AKR1B10: variants seen among roughly 807,000 people sequenced by gnomAD.
AKR1B10 encodes aldo-keto reductase family 1 member B10.
AKR1B10 carries 39 observed loss-of-function variants against 38.9 expected under a neutral mutation model. The ratio of observed to expected loss-of-function variants is 1.00; its 90% CI spans 0.78 to 1.31. The LOEUF is 1.31. Ranked by LOEUF, AKR1B10 falls within the 50% of genes most tolerant of loss-of-function variation. The pLI is 0.00. For missense variants in AKR1B10, 361 were observed against 382.6 expected, an observed-to-expected ratio of 0.94 and a Z score of 0.47; for synonymous variants, 148 against 141.2, an observed-to-expected ratio of 1.05 and a Z score of -0.34.
At position 134,535,572 on chromosome 7, in the gene AKR1B10, C is replaced by A. The variant is rs73724972; in HGVS notation, c.430-1078C>A. ...CCTGTGTCATATGCTCATGTTTTTT[C>A]CCTCTTTTCTGTCTTTTTTTTTTTT... On this transcript the variant is annotated intron_variant, in intron 4 of 9. Coordinates refer to ENST00000359579, the MANE Select transcript of AKR1B10 (RefSeq NM_020299.5). 6.1e-3 allele frequency: 5,945 copies of A among 969,954 alleles called. 265 individuals are homozygous for A. In the African/African-American group the frequency reaches 0.097, roughly 16 times the overall value. The allele number at this position is 969,954 out of a possible 1,614,324, so 60.1% of individuals were successfully genotyped here.
In AKR1B10 at chr7:134,541,284, G is replaced by C; in HGVS notation, c.*195G>C. The C allele has an allele frequency of 1.9e-6, 1 of 520,946 alleles. No individual in the cohort carries two copies. Among genetic ancestry groups the C allele is most frequent in the Non-Finnish European group, 3.3e-6 (1 of 298,620 alleles). 32.3% of individuals were successfully genotyped at this position (520,946 alleles called of 1,614,324 possible). On this transcript the variant is annotated 3_prime_UTR_variant, in exon 10 of 10. Transcript: ENST00000359579. ...ACTAGGATCAGAATATCACAGAAAA[G>C]CATGGCTTGAATAAGGAAATGACAA...
Position 134,530,806 on chromosome 7 carries a change from G to C in AKR1B10, c.230G>C (p.Ser77Thr). 8.7e-6 allele frequency: 14 copies of C among 1,610,890 alleles called. No homozygotes were observed. The highest frequency in any genetic ancestry group is 1.2e-5 in the Non-Finnish European group (14 of 1,178,384). ...AAGCGGGAGGACCTGTTCATCGTCA[G>C]CAAGGTGCAATGGTGCATTTGGTGG... ...AVKREDLFIV[S>T]KLWPTFFERP... is the part of the protein sequence containing the mutation. Residue 77 changes from serine (S) to threonine (T), a missense_variant, in exon 2 of 10, where the codon AGC becomes ACC. Around this residue, in one of 3 missense-constraint regions of AKR1B10, gnomAD observed 220 missense variants for 216.1 expected, o/e 1.02. Coordinates refer to ENST00000359579, the MANE Select transcript of AKR1B10 (RefSeq NM_020299.5).
In AKR1B10 at chr7:134,541,257, C is replaced by T. The variant is rs1808143816; in HGVS notation, c.*168C>T. 1 of 555,692 alleles carries T rather than the reference C, an allele frequency of 1.8e-6. No homozygotes were observed. Among genetic ancestry groups the T allele is most frequent in the South Asian group, 2.4e-5 (1 of 41,424 alleles). 34.4% of individuals were successfully genotyped at this position (555,692 alleles called of 1,614,324 possible). On this transcript the variant is annotated 3_prime_UTR_variant, in exon 10 of 10. Transcript: ENST00000359579. ...TTTTAGACATTTATTTCTGTATGTT[C>T]AACTAGGATCAGAATATCACAGAAA...
At chr7:134,537,980 T>C (rs1307418979) in intron 7 of AKR1B10, among the ~76,000 whole-genome samples, 1 of 151,796 alleles carries the variant, frequency 6.6e-6, no homozygotes, top group Non-Finnish European at 1.5e-5. Flanking sequence ...ACTTTCTTCA[T>C]TCCTAAAAAA....
In AKR1B10 at chr7:134,536,829, C is replaced by A. The variant is rs1027374694; in HGVS notation, c.552+57C>A. 4.4e-6 allele frequency: 7 copies of A among 1,605,844 alleles called. No homozygotes were observed. In the Admixed American group the frequency reaches 8.4e-5, roughly 19 times the overall value. Reference sequence around the variant, plus strand: ...CTGCCCTATTACTTCTTAAACATTGCGGGAGGAATGTTCAATGCTATGCCC... The same window carrying A: ...CTGCCCTATTACTTCTTAAACATTGAGGGAGGAATGTTCAATGCTATGCCC... On this transcript the variant is annotated intron_variant, in intron 5 of 9. Coordinates refer to ENST00000359579, the MANE Select transcript of AKR1B10 (RefSeq NM_020299.5).
chr7:134,530,071 T>C (rs1231998000), intron 1 of AKR1B10, among the ~76,000 whole-genome samples: 1 of 152,108 alleles, frequency 6.6e-6, no homozygotes, highest in African/African-American at 2.4e-5. Flanking sequence ...TTTACAGAGA[T>C]TGAATCACCT....
intron 3 of AKR1B10, 65 bp from the exon 4 acceptor site, chr7:134,532,939 C>T (rs111252230): frequency 4.9e-6 from 7 of 1,414,178 alleles, no homozygotes; most frequent in Admixed American, 4.0e-5. Context: ...GATCCTGAAA[C>T]CTTGTTGAAC....
intron 3 of AKR1B10, 51 bp downstream of exon 3, chr7:134,532,075 A>G (rs1311513305): frequency 1.9e-6 from 3 of 1,604,610 alleles, no homozygotes; most frequent in East Asian, 2.2e-5. Context: ...GGTGCCAGAA[A>G]ATAGTAGCTG....
chr7:134,540,899 G>T, intron 9 of AKR1B10, 148 bp from the exon 10 acceptor site: 1 of 648,984 alleles, frequency 1.5e-6, no homozygotes, highest in South Asian at 1.7e-5. Flanking sequence ...AGGTCAAAGT[G>T]TGGGCACCCT....
In AKR1B10 at chr7:134,537,813, C is replaced by G. The variant is rs1207248940; in HGVS notation, c.741+152C>G. On this transcript the variant is annotated intron_variant, in intron 7 of 9. Transcript: ENST00000359579. Reference sequence around the variant, plus strand: ...TTTCCTTTGAAGTCTGTTGGAACCTCTAGGAAACACAAGAGCTGTCACTGA... The same window carrying G: ...TTTCCTTTGAAGTCTGTTGGAACCTGTAGGAAACACAAGAGCTGTCACTGA... 1.7e-5 allele frequency: 15 copies of G among 896,600 alleles called. No homozygotes were observed. In the East Asian group the frequency reaches 4.0e-4, roughly 24 times the overall value. 55.5% of individuals were successfully genotyped at this position (896,600 alleles called of 1,614,324 possible). A position where few individuals can be genotyped will look rare whatever the true frequency, so the allele number is the denominator to read the frequency against.
At chr7:134,529,467 G>T (rs1195259567) in intron 1 of AKR1B10, among the ~76,000 whole-genome samples, 2 of 152,186 alleles carry the variant, frequency 1.3e-5, no homozygotes, top group Non-Finnish European at 2.9e-5. Context: ...ATTATGAAGG[G>T]AGCTGTCTTC....
chr7:134,528,406 T>A (rs1426980024), intron 1 of AKR1B10, among the ~76,000 whole-genome samples: 1 of 152,102 alleles, frequency 6.6e-6, no homozygotes, highest in African/African-American at 2.4e-5. Context: ...GCTAGCAGCA[T>A]CCCTATGACC....
intron 1 of AKR1B10, among the ~76,000 whole-genome samples, chr7:134,528,728 AG>A (rs1354201026): frequency 4.0e-4 from 48 of 120,468 alleles, no homozygotes; most frequent in African/African-American, 2.3e-3. Context: ...CAAGAAAGCA[AG>A]AAAGAGAGAA....
intron 8 of AKR1B10, among the ~76,000 whole-genome samples, chr7:134,538,584 C>T (rs147746742): frequency 2.9e-4 from 44 of 152,298 alleles, no homozygotes; most frequent in African/African-American, 1.0e-3. Flanking sequence ...CAAGAACAGA[C>T]TGTCCTGGCC....
At chr7:134,532,901 T>G in intron 3 of AKR1B10, 103 bp from the exon 4 acceptor site, 1 of 912,908 alleles carries the variant, frequency 1.1e-6, no homozygotes. Context: ...AAAAGTGGTA[T>G]GCAGATGTGG....
intron 9 of AKR1B10, among the ~76,000 whole-genome samples, chr7:134,540,139 A>C (rs1808110874): frequency 6.6e-6 from 1 of 151,698 alleles, no homozygotes; most frequent in African/African-American, 2.4e-5. Context: ...AATGGTGTGA[A>C]CCCGGGAGGT....
intron 9 of AKR1B10, chr7:134,539,219 G>A: frequency 1.6e-6 from 1 of 625,480 alleles, no homozygotes; most frequent in Non-Finnish European, 2.8e-6. Flanking sequence ...CTGAACTTCT[G>A]GATGTAGAGC....
intron 1 of AKR1B10, among the ~76,000 whole-genome samples, chr7:134,530,240 G>T (rs1722888): frequency 6.6e-6 from 1 of 151,992 alleles, no homozygotes. Flanking sequence ...GTAGTGGAGC[G>T]GTCTGCACCC....
intron 9 of AKR1B10, 100 bp downstream of exon 9, chr7:134,539,117 C>A (rs1808086184): frequency 9.1e-6 from 13 of 1,426,140 alleles, no homozygotes; most frequent in Non-Finnish European, 1.3e-5. Context: ...CTACTTGTGT[C>A]TTCAAATACT....
Sources: gnomAD v4.1 joint callset for allele counts (sites outside exome capture counted in the v4.1 genomes callset) on GRCh38, gnomAD v4.1.1 for gene constraint, gnomAD v4.1.1 regional missense constraint, MANE v1.5 for transcripts, NCBI Gene and HGNC (gene_info 2026-07-23, HGNC 2026-07-21) for gene names.